The following PPME1 variants were observed in gnomAD, a reference collection of about 807,000 sequenced individuals.
PPME1 encodes the protein protein phosphatase methylesterase 1.
In PPME1, 17 loss-of-function variants were observed where a neutral mutation model predicts 56.9. That is an observed-to-expected ratio of 0.30 (90% CI 0.20 to 0.45). The LOEUF is 0.45. Ranked by LOEUF, PPME1 falls within the 20% of genes least tolerant of loss-of-function variation. The probability of loss-of-function intolerance (pLI) is 1.00; values close to 1 mark genes in which losing one functional copy is unlikely to be tolerated. For missense variants in PPME1, 357 were observed against 483.2 expected, an observed-to-expected ratio of 0.74 and a Z score of 2.45; for synonymous variants, 122 against 156.2, an observed-to-expected ratio of 0.78 and a Z score of 1.63.
At chr11:74,215,979 C>T (rs1385754164) in intron 3 of PPME1, among the ~76,000 whole-genome samples, 1 of 152,170 alleles carries the variant, frequency 6.6e-6, no homozygotes, top group Non-Finnish European at 1.5e-5. Context: ...ATGCACCCAA[C>T]ACTGGAGCAC....
intron 1 of PPME1, among the ~76,000 whole-genome samples, chr11:74,197,938 T>A (rs1858032724): frequency 6.6e-6 from 1 of 152,194 alleles, no homozygotes; most frequent in South Asian, 2.1e-4. Context: ...TTCATGTGAC[T>A]CAGGCAGATA....
Position 74,171,529 on chromosome 11 carries a change from G to C in PPME1, c.101+7G>C, listed in dbSNP as rs1391158596. 14 of 1,609,586 alleles carry C rather than the reference G, an allele frequency of 8.7e-6. No homozygotes were observed. The highest frequency in any genetic ancestry group is 2.2e-5 in the East Asian group (1 of 44,804). On this transcript the variant is annotated splice_region_variant and intron_variant, in intron 1 of 13. Transcript: ENST00000328257. Reference sequence around the variant, plus strand: ...GAGCCAAGATGCGAATGGGGTACGTGACCCATACCCCTTCTCCCTATGGGC... The same window carrying C: ...GAGCCAAGATGCGAATGGGGTACGTCACCCATACCCCTTCTCCCTATGGGC...
chr11:74,233,105 A>G (rs1241799536), intron 7 of PPME1, among the ~76,000 whole-genome samples: 1 of 152,032 alleles, frequency 6.6e-6, no homozygotes, highest in African/African-American at 2.4e-5. Flanking sequence ...AATCAGGCTC[A>G]GTTCCTATCA....
chr11:74,192,468 T>C (rs1201760397), intron 1 of PPME1, among the ~76,000 whole-genome samples: 1 of 152,040 alleles, frequency 6.6e-6, no homozygotes, highest in East Asian at 1.9e-4. Context: ...GTTAAGACTT[T>C]GGGGGAACTA....
chr11:74,193,865 T>A (rs1857909146), intron 1 of PPME1, among the ~76,000 whole-genome samples: 1 of 152,208 alleles, frequency 6.6e-6, no homozygotes, highest in Non-Finnish European at 1.5e-5. Context: ...TATATTGTAT[T>A]TGATAATTTC....
At chr11:74,203,634 TTTC>T in intron 1 of PPME1, 91 bp from the exon 2 acceptor site, 1 of 850,694 alleles carries the variant, frequency 1.2e-6, no homozygotes, top group Middle Eastern at 2.3e-4. Flanking sequence ...CCTTTGCTGT[TTTC>T]ATTACTGACT....
intron 1 of PPME1, among the ~76,000 whole-genome samples, chr11:74,195,419 G>A (rs1857955156): frequency 1.3e-5 from 2 of 152,070 alleles, no homozygotes; most frequent in Non-Finnish European, 2.9e-5. Flanking sequence ...CTTTCTCTAA[G>A]TATTTTTCAG....
At chr11:74,218,607 G>A (rs1399468030) in intron 3 of PPME1, among the ~76,000 whole-genome samples, 1 of 152,134 alleles carries the variant, frequency 6.6e-6, no homozygotes, top group African/African-American at 2.4e-5. Context: ...TACATCTACA[G>A]TGAACTCATT....
rs147123454 is a variant in PPME1, at chr11:74,214,820, C to T, written c.289-7492C>T. Among the ~76,000 whole-genome samples, 590 of 152,166 alleles carry T rather than the reference C, an allele frequency of 3.9e-3. 3 individuals carry two copies. The highest frequency in any genetic ancestry group is 6.5e-3 in the Non-Finnish European group (443 of 68,010). ...ATCAACACCAGACTTACAAGAAATG[C>T]TAAAGGTAGTTCTTGCATCTGAAAG... On this transcript the variant is annotated intron_variant, in intron 3 of 13. Transcript: ENST00000328257.
At position 74,246,033 on chromosome 11, in the gene PPME1, G is replaced by T. The variant is rs758169555; in HGVS notation, c.835-43G>T. 17 of 1,557,334 alleles carry T rather than the reference G, an allele frequency of 1.1e-5. No individual in the cohort carries two copies. The Admixed American group carries it at 3.4e-4, about 31-fold the overall frequency. On this transcript the variant is annotated intron_variant, in intron 9 of 13. Coordinates refer to ENST00000328257, the MANE Select transcript of PPME1 (RefSeq NM_016147.3). ...TCTAGTTTTTAATCCTGTTCCTCCA[G>T]GGGTTGCCCTCGGAGACTCAGAACT...
rs890691070 is a variant in PPME1 at position 74,171,329 on chromosome 11, C to T, written c.-93C>T. The T allele has an allele frequency of 1.5e-5, 22 of 1,515,792 alleles. No homozygotes were observed. The highest frequency in any genetic ancestry group is 1.2e-4 in the East Asian group (5 of 40,704). 93.9% of individuals were successfully genotyped at this position (1,515,792 alleles called of 1,614,324 possible). A position where few individuals can be genotyped will look rare whatever the true frequency, so the allele number is the denominator to read the frequency against. ...GTGCTGTCCAAAGGCGACAGGGCGTCGTTAGGGGAGCGAGTCGTGACCGGT... is the reference window on the plus strand; with the variant it reads ...GTGCTGTCCAAAGGCGACAGGGCGTTGTTAGGGGAGCGAGTCGTGACCGGT... On this transcript the variant is annotated 5_prime_UTR_variant, in exon 1 of 14. Coordinates refer to ENST00000328257, the MANE Select transcript of PPME1 (RefSeq NM_016147.3).
chr11:74,240,460 C>T (rs143966078), intron 9 of PPME1, among the ~76,000 whole-genome samples: 2 of 152,252 alleles, frequency 1.3e-5, no homozygotes, highest in African/African-American at 2.4e-5. Context: ...GTTTAGTGCT[C>T]ATGAACAGCA....
At chr11:74,227,875 T>G (rs1858970593) in intron 5 of PPME1, among the ~76,000 whole-genome samples, 2 of 152,158 alleles carry the variant, frequency 1.3e-5, no homozygotes, top group Admixed American at 1.3e-4. Flanking sequence ...TGGGTAAATA[T>G]GCCTTTCTTA....
At chr11:74,172,161 C>T (rs1857265253) in intron 1 of PPME1, among the ~76,000 whole-genome samples, 2 of 151,858 alleles carry the variant, frequency 1.3e-5, no homozygotes, top group Admixed American at 6.6e-5. Flanking sequence ...AGGGAGTAGG[C>T]CTAAGGTAAG....
chr11:74,235,411 G>A (rs929136949), intron 7 of PPME1, among the ~76,000 whole-genome samples: 1 of 151,910 alleles, frequency 6.6e-6, no homozygotes, highest in Non-Finnish European at 1.5e-5. Context: ...TCATTATCCT[G>A]CCGACTTTCA....
At chr11:74,177,998 G>A (rs573908225) in intron 1 of PPME1, among the ~76,000 whole-genome samples, 1 of 152,130 alleles carries the variant, frequency 6.6e-6, no homozygotes, top group Non-Finnish European at 1.5e-5. Flanking sequence ...ATATTGATGT[G>A]AAACAATCTA....
At chr11:74,203,901 G>A in intron 2 of PPME1, 80 bp downstream of exon 2, 1 of 1,047,670 alleles carries the variant, frequency 9.5e-7, no homozygotes, top group Admixed American at 2.5e-5. Context: ...TTTCTAAAAT[G>A]TTCTTTATTC....
Position 74,230,844 on chromosome 11 carries a change from T to C in PPME1, c.554-68T>C. On this transcript the variant is annotated intron_variant, in intron 6 of 13. Coordinates refer to ENST00000328257, the MANE Select transcript of PPME1 (RefSeq NM_016147.3). The surrounding 1 kb of genome is among the most constrained non-coding windows in gnomAD (Gnocchi z 4.9). Reference sequence around the variant, plus strand: ...GTCATCAAGAGCAGATATATAGTAGTTGACTCAGTAAGTGTAAATGCTCAG... The same window carrying C: ...GTCATCAAGAGCAGATATATAGTAGCTGACTCAGTAAGTGTAAATGCTCAG... 8.7e-7 allele frequency: 1 copy of C among 1,153,530 alleles called. No homozygotes were observed. Among genetic ancestry groups the C allele is most frequent in the Non-Finnish European group, 1.3e-6 (1 of 785,136 alleles). The allele number at this position is 1,153,530 out of a possible 1,614,324, so 71.5% of individuals were successfully genotyped here. A position where few individuals can be genotyped will look rare whatever the true frequency, so the allele number is the denominator to read the frequency against.
chr11:74,186,796 A>C (rs1477185587), intron 1 of PPME1, among the ~76,000 whole-genome samples: 2 of 152,230 alleles, frequency 1.3e-5, no homozygotes, highest in African/African-American at 4.8e-5. Context: ...CCATATCACT[A>C]TCCTATAAAG....
Sources: gnomAD v4.1 joint callset for allele counts (sites outside exome capture counted in the v4.1 genomes callset) on GRCh38, gnomAD v4.1.1 for gene constraint, Gnocchi (gnomAD v3.1) non-coding constraint, MANE v1.5 for transcripts, NCBI Gene and HGNC (gene_info 2026-07-23, HGNC 2026-07-21) for gene names.